The following XIAP variants were observed in gnomAD, a reference collection of about 807,000 sequenced individuals.
XIAP encodes X-linked inhibitor of apoptosis.
In XIAP, 3 loss-of-function variants were observed where a neutral mutation model predicts 33.1. That is an observed-to-expected ratio of 0.09 (90% CI 0.04 to 0.23). XIAP has a LOEUF of 0.23. Ranked by LOEUF, XIAP falls within the 10% of genes least tolerant of loss-of-function variation. The pLI, the probability that XIAP is intolerant of heterozygous loss-of-function variation, is 1.00. For synonymous variants in XIAP, 98 were observed against 121.3 expected, an observed-to-expected ratio of 0.81 and a Z score of 1.26; for missense variants, 264 against 363.0, an observed-to-expected ratio of 0.73 and a Z score of 2.22.
intron 1 of XIAP, chrX:123,878,549 TC>T (rs1267948099): frequency 8.9e-6 from 1 of 112,834 alleles, no homozygotes; most frequent in Non-Finnish European, 1.9e-5. Flanking sequence ...AATTTACAAG[TC>T]CTATGACATC....
chrX:123,864,010 G>A (rs1271003586), intron 1 of XIAP, among the ~76,000 whole-genome samples: 1 of 109,728 alleles, frequency 9.1e-6, no homozygotes, highest in African/African-American at 3.3e-5. Flanking sequence ...CATTTCAATA[G>A]TTAAGAATTA....
At chrX:123,875,506 C>T (rs749401675) in intron 1 of XIAP, among the ~76,000 whole-genome samples, 1 of 111,616 alleles carries the variant, frequency 9.0e-6, no homozygotes, top group South Asian at 3.7e-4. Flanking sequence ...CCAGCCACTG[C>T]GTTTTCGTTG....
At chrX:123,903,666 T>A in intron 6 of XIAP, among the ~76,000 whole-genome samples, 1 of 104,494 alleles carries the variant, frequency 9.6e-6, no homozygotes, top group African/African-American at 3.5e-5. Flanking sequence ...TTTAAAAAAT[T>A]GTGATAAAAT....
Position 123,909,976 on chromosome X carries a change from A to G in XIAP, c.*2795A>G, listed in dbSNP as rs751645400. ...ATCCAAATCTTTTCCCCCTCCCAAG[A>G]GTTCTCAGTGTCTACATGTAGACTA... is the stretch of plus-strand genomic sequence containing the variant. On this transcript the variant is annotated 3_prime_UTR_variant, in exon 7 of 7. Transcript: ENST00000371199. 9.1e-6 allele frequency: 3 copies of G among 329,852 alleles called. No individual in the cohort carries two copies. The highest frequency in any genetic ancestry group is 1.8e-5 in the Non-Finnish European group (3 of 170,024). 27.2% of individuals were successfully genotyped at this position (329,852 alleles called of 1,213,427 possible).
chrX:123,860,592 TTCCTCCCCA>T (rs2053070496), intron 1 of XIAP: 1 of 244,837 alleles, frequency 4.1e-6, no homozygotes, highest in Non-Finnish European at 7.7e-6. Context: ...TCAAAGGGAT[TTCCTCCCCA>T]TGTGATAACC....
chrX:123,879,860 A>G (rs1248469537), intron 1 of XIAP, among the ~76,000 whole-genome samples: 1 of 110,909 alleles, frequency 9.0e-6, no homozygotes, highest in Non-Finnish European at 1.9e-5. Context: ...CACGCCTGTA[A>G]TCCCAGCACT....
Position 123,908,920 on chromosome X carries a change from T to A in XIAP, c.*1739T>A. 2.9e-6 allele frequency: 1 copy of A among 350,042 alleles called. No homozygotes were observed. The highest frequency in any genetic ancestry group is 5.5e-6 in the Non-Finnish European group (1 of 182,684). The allele number at this position is 350,042 out of a possible 1,213,427, so 28.8% of individuals were successfully genotyped here. On this transcript the variant is annotated 3_prime_UTR_variant, in exon 7 of 7. Coordinates refer to ENST00000371199, the MANE Select transcript of XIAP (RefSeq NM_001167.4). ...AGTTTGAGAGTAAAACTGTAAAAAA[T>A]TATATTTTTGTTGTACTTTCTAAGA...
rs754377022 is a variant in XIAP at position 123,910,942 on chromosome X, TAAAA to T, written c.*3765_*3768del. On this transcript the variant is annotated 3_prime_UTR_variant, in exon 7 of 7. Coordinates refer to ENST00000371199, the MANE Select transcript of XIAP (RefSeq NM_001167.4). ...GTTCTTTTTAGTCAAATCTACTTGTTAAAAAAAGGGTAGCAGTTTATTCATCTGT... is the reference window on the plus strand; with the variant it reads ...GTTCTTTTTAGTCAAATCTACTTGTTAAAGGGTAGCAGTTTATTCATCTGT... The T allele has an allele frequency of 3.0e-6, 1 of 328,151 alleles. No homozygotes were observed. The highest frequency in any genetic ancestry group is 2.6e-5 in the South Asian group (1 of 38,306). The allele number at this position is 328,151 out of a possible 1,213,427, so 27.0% of individuals were successfully genotyped here.
intron 1 of XIAP, among the ~76,000 whole-genome samples, chrX:123,882,323 T>G (rs1180386545): frequency 5.4e-5 from 6 of 111,712 alleles, no homozygotes; most frequent in African/African-American, 2.0e-4. Context: ...TTGTATTTAA[T>G]GACCTTAATT....
chrX:123,898,916 C>G (rs1290784634), intron 5 of XIAP, among the ~76,000 whole-genome samples: 1 of 103,374 alleles, frequency 9.7e-6, no homozygotes, highest in African/African-American at 3.5e-5. Context: ...GTCAGGAGTT[C>G]GAGAGCAGCC....
At chrX:123,864,903 C>T (rs771599463) in intron 1 of XIAP, among the ~76,000 whole-genome samples, 9 of 107,286 alleles carry the variant, frequency 8.4e-5, no homozygotes, top group African/African-American at 3.1e-4. Flanking sequence ...AGGATGGTCG[C>T]ATTCTCCTGA....
At chrX:123,877,555 C>T (rs935524461) in intron 1 of XIAP, among the ~76,000 whole-genome samples, 4 of 112,188 alleles carry the variant, frequency 3.6e-5, no homozygotes, top group Non-Finnish European at 7.5e-5. Flanking sequence ...TTCTTAAAAG[C>T]ATTCCAGAAA....
chrX:123,900,683 A>G lies in XIAP; in HGVS notation c.1290A>G (p.Ser430=), dbSNP rs988776518. Residue 430 remains serine (S), a synonymous_variant, in exon 6 of 7, where the codon TCA becomes TCG. Transcript: ENST00000371199. Reference sequence around the variant, plus strand: ...TGCAAGATGAGTCAAGTCAGACTTCATTACAGAAAGGTATGCATTGCTGTT... The same window carrying G: ...TGCAAGATGAGTCAAGTCAGACTTCGTTACAGAAAGGTATGCATTGCTGTT... ...DSMQDESSQT[S]LQKEISTEEQ... The G allele has an allele frequency of 8.3e-7, 1 of 1,211,106 alleles. No homozygotes were observed. The highest frequency in any genetic ancestry group is 1.1e-6 in the Non-Finnish European group (1 of 894,773).
intron 1 of XIAP, among the ~76,000 whole-genome samples, chrX:123,870,442 T>G (rs998668633): frequency 8.9e-6 from 1 of 112,150 alleles, no homozygotes; most frequent in African/African-American, 3.2e-5. Context: ...TCCTTTACTT[T>G]GTGTCATTTA....
intron 6 of XIAP, among the ~76,000 whole-genome samples, chrX:123,905,309 C>T (rs1034848101): frequency 8.9e-6 from 1 of 111,816 alleles, no homozygotes; most frequent in East Asian, 2.8e-4. Flanking sequence ...CAAGCTTTGC[C>T]TGTGCACTTG....
chrX:123,887,538 G>T (rs930563167), intron 2 of XIAP, among the ~76,000 whole-genome samples: 9 of 112,330 alleles, frequency 8.0e-5, no homozygotes, highest in African/African-American at 2.9e-4. Flanking sequence ...AATCTTGAAG[G>T]TTTGTTTAGT....
chrX:123,873,279 G>T (rs933365058), intron 1 of XIAP, among the ~76,000 whole-genome samples: 7 of 109,177 alleles, frequency 6.4e-5, no homozygotes, highest in Non-Finnish European at 1.1e-4. Context: ...TGATCCTCCC[G>T]CCTCGGCCTC....
intron 5 of XIAP, among the ~76,000 whole-genome samples, chrX:123,893,005 A>G (rs2053421624): frequency 9.2e-6 from 1 of 108,672 alleles, no homozygotes; most frequent in Non-Finnish European, 1.9e-5. Flanking sequence ...TATTTTTAGT[A>G]GAGACGGAGT....
intron 1 of XIAP, among the ~76,000 whole-genome samples, chrX:123,885,025 A>G (rs1282904408): frequency 9.0e-6 from 1 of 110,856 alleles, no homozygotes; most frequent in African/African-American, 3.3e-5. Flanking sequence ...GCAGTGTTAC[A>G]TATATATCTG....
Sources: gnomAD v4.1 joint callset for allele counts (sites outside exome capture counted in the v4.1 genomes callset) on GRCh38, gnomAD v4.1.1 for gene constraint, MANE v1.5 for transcripts, NCBI Gene and HGNC (gene_info 2026-07-23, HGNC 2026-07-21) for gene names.